Variants in NRXN1 observed in about 807,000 individuals in gnomAD.
NRXN1 encodes neurexin 1.
In NRXN1, 39 loss-of-function variants were observed where a neutral mutation model predicts 150.9. That is an observed-to-expected ratio of 0.26 (90% confidence interval 0.20 to 0.34). The LOEUF (loss-of-function observed/expected upper bound fraction) is 0.34, where lower values mean the gene tolerates loss of function less well. Among genes scored for constraint, NRXN1 ranks in the 10% least tolerant of loss-of-function variants. NRXN1 has a pLI of 1.00. For missense variants in NRXN1, 1,815 were observed against 1,949.9 expected, an observed-to-expected ratio of 0.93 and a Z score of 1.30; for synonymous variants, 924 against 757.0, an observed-to-expected ratio of 1.22 and a Z score of -3.62.
In NRXN1 at chr2:50,390,316, T is replaced by G. The variant is rs868410076; in HGVS notation, c.3364+75126A>C. Among the ~76,000 whole-genome samples the G allele has an allele frequency of 2.0e-5, 3 of 152,256 alleles. No homozygotes were observed. In the South Asian group the frequency reaches 6.2e-4, roughly 32 times the overall value. On this transcript the variant is annotated intron_variant, in intron 17 of 22. Coordinates refer to ENST00000401669, the MANE Select transcript of NRXN1 (RefSeq NM_001330078.2). ...TCCTCCTGCCCTTTTTTTAATTCCATGAATCAAAAGGGAAGTCCCCTTTGT... is the reference window on the plus strand; with the variant it reads ...TCCTCCTGCCCTTTTTTTAATTCCAGGAATCAAAAGGGAAGTCCCCTTTGT...
chr2:51,020,945 A>G (rs1031248565), intron 2 of NRXN1, among the ~76,000 whole-genome samples: 2 of 152,110 alleles, frequency 1.3e-5, no homozygotes, highest in African/African-American at 2.4e-5. Context: ...TTTTCTGAAC[A>G]GCTCTAAAGC....
chr2:50,386,653 C>A (rs2081348010), intron 17 of NRXN1, among the ~76,000 whole-genome samples: 1 of 152,104 alleles, frequency 6.6e-6, no homozygotes, highest in African/African-American at 2.4e-5. Flanking sequence ...TGCCCCCTTG[C>A]AACTTCAATG....
In NRXN1 at chr2:50,253,776, T is replaced by C. The variant is rs551038957; in HGVS notation, c.3365-16806A>G. 3.2e-4 allele frequency among the ~76,000 whole-genome samples: 49 copies of C among 152,302 alleles called. 2 individuals carry two copies. The highest frequency in any genetic ancestry group is 8.9e-4 in the African/African-American group (37 of 41,586). On this transcript the variant is annotated intron_variant, in intron 17 of 22. Transcript: ENST00000401669. ...AGGGATAAAGCCGACTTGATCCTGG[T>C]GGATAAGCTTTTTGATGTGCTGCTG...
At chr2:50,699,834 T>G (rs1183122297) in intron 5 of NRXN1, among the ~76,000 whole-genome samples, 1 of 152,082 alleles carries the variant, frequency 6.6e-6, no homozygotes, top group African/African-American at 2.4e-5. Context: ...TATAAGCCAT[T>G]GTTGGCTATT....
At chr2:50,764,875 T>G (rs1490109504) in intron 5 of NRXN1, among the ~76,000 whole-genome samples, 2 of 152,010 alleles carry the variant, frequency 1.3e-5, no homozygotes, top group Non-Finnish European at 2.9e-5. Context: ...AAAATAAATC[T>G]CTCGGCTCCC....
chr2:50,540,056 T>C (rs1045208260), intron 9 of NRXN1, among the ~76,000 whole-genome samples: 2 of 152,118 alleles, frequency 1.3e-5, no homozygotes, highest in Non-Finnish European at 2.9e-5. Flanking sequence ...ATGGGATCTG[T>C]CTTTGTCAGG....
intron 5 of NRXN1, among the ~76,000 whole-genome samples, chr2:50,684,214 T>C (rs989684842): frequency 6.6e-6 from 1 of 152,170 alleles, no homozygotes; most frequent in Non-Finnish European, 1.5e-5. Context: ...ATTATTAACA[T>C]CTTAGAGCCA....
At chr2:51,003,477 A>G (rs556809884) in intron 2 of NRXN1, among the ~76,000 whole-genome samples, 1 of 151,988 alleles carries the variant, frequency 6.6e-6, no homozygotes, top group East Asian at 1.9e-4. Context: ...CCAAAAATTA[A>G]TATCACATTT....
chr2:50,387,526 T>C (rs1171952902), intron 17 of NRXN1, among the ~76,000 whole-genome samples: 2 of 152,204 alleles, frequency 1.3e-5, no homozygotes, highest in Non-Finnish European at 1.5e-5. Flanking sequence ...TTTAAAAATA[T>C]ATAACTGTTT....
At chr2:50,667,043 G>T (rs1305841972) in intron 5 of NRXN1, among the ~76,000 whole-genome samples, 2 of 151,842 alleles carry the variant, frequency 1.3e-5, no homozygotes, top group African/African-American at 4.8e-5. Context: ...AATGAAATTT[G>T]CTTTATTACC....
chr2:50,885,400 C>A (rs62140640), intron 5 of NRXN1, among the ~76,000 whole-genome samples: 1 of 149,420 alleles, frequency 6.7e-6, no homozygotes, highest in Non-Finnish European at 1.5e-5. Context: ...AAAAAAAACC[C>A]ACAAGTGATA....
At chr2:49,998,228 C>A (rs77595856) in intron 21 of NRXN1, among the ~76,000 whole-genome samples, 2,761 of 152,238 alleles carry the variant, frequency 0.018, 75 homozygotes, top group African/African-American at 0.052. Context: ...CATCCCTGAA[C>A]CTTGTCTCAA....
At chr2:50,850,365 T>A (rs1180193742) in intron 5 of NRXN1, among the ~76,000 whole-genome samples, 1 of 152,182 alleles carries the variant, frequency 6.6e-6, no homozygotes, top group African/African-American at 2.4e-5. Flanking sequence ...TAAATACTAG[T>A]TTCCTTGGTG....
At position 50,325,349 on chromosome 2, in the gene NRXN1, T is replaced by C. The variant is rs73930342; in HGVS notation, c.3365-88379A>G. On this transcript the variant is annotated intron_variant, in intron 17 of 22. Coordinates refer to ENST00000401669, the MANE Select transcript of NRXN1 (RefSeq NM_001330078.2). ...TTGGTGGTCACTGGAAGGGAAGATA[T>C]GAATAGAGGGAGAAGTTTGTCATGC... Among the ~76,000 whole-genome samples, 758 of 152,218 alleles carry C rather than the reference T, an allele frequency of 5.0e-3. 8 individuals are homozygous for C. Among genetic ancestry groups the C allele is most frequent in the African/African-American group, 0.018 (728 of 41,538 alleles).
chr2:50,819,475 T>A (rs1266009727), intron 5 of NRXN1, among the ~76,000 whole-genome samples: 4 of 151,980 alleles, frequency 2.6e-5, no homozygotes, highest in Non-Finnish European at 5.9e-5. Flanking sequence ...CCTAAAATGA[T>A]CAAGTTCATA....
intron 21 of NRXN1, among the ~76,000 whole-genome samples, chr2:50,002,778 G>T (rs1311946855): frequency 6.6e-6 from 1 of 152,028 alleles, no homozygotes; most frequent in East Asian, 1.9e-4. Flanking sequence ...GTAGTTAGTT[G>T]TATGACTAAA....
intron 2 of NRXN1, among the ~76,000 whole-genome samples, chr2:50,939,934 A>G (rs1180367170): frequency 6.6e-6 from 1 of 152,192 alleles, no homozygotes. Context: ...ATAGCTGTCA[A>G]TTAAATTTTT....
chr2:50,819,850 T>A (rs1669467092), intron 5 of NRXN1, among the ~76,000 whole-genome samples: 1 of 152,076 alleles, frequency 6.6e-6, no homozygotes. Context: ...CCCAACATAT[T>A]GGTACTTTAC....
intron 17 of NRXN1, among the ~76,000 whole-genome samples, chr2:50,252,233 C>CTTTTTTTTTTTTTTTTTTTTT (rs55993018): frequency 2.1e-5 from 2 of 94,924 alleles, no homozygotes; most frequent in African/African-American, 4.2e-5. Flanking sequence ...ACATTTTGTC[C>CTTTTTTTTTTTTTTTTTTTTT]TTTTTTTTTT....
Sources: gnomAD v4.1 joint callset for allele counts (sites outside exome capture counted in the v4.1 genomes callset) on GRCh38, gnomAD v4.1.1 for gene constraint, MANE v1.5 for transcripts, NCBI Gene and HGNC (gene_info 2026-07-23, HGNC 2026-07-21) for gene names.